Variants in PPARGC1A observed in about 807,000 individuals in gnomAD.
The protein encoded by PPARGC1A is peroxisome proliferator-activated receptor gamma coactivator 1-alpha.
In PPARGC1A, 25 loss-of-function variants were observed where a neutral mutation model predicts 88.7. The observed-to-expected ratio is 0.28, with a 90% confidence interval of 0.21 to 0.39. PPARGC1A has a LOEUF of 0.39. Ranked by LOEUF, PPARGC1A falls within the 10% of genes least tolerant of loss-of-function variation. The probability of loss-of-function intolerance (pLI) is 1.00; values close to 1 mark genes in which losing one functional copy is unlikely to be tolerated. For synonymous variants in PPARGC1A, 363 were observed against 355.6 expected (o/e 1.02, Z -0.24); for missense variants, 880 against 968.7 (o/e 0.91, Z 1.22).
chr4:24,071,371 G>A, the PPARGC1A span, among the ~76,000 whole-genome samples: 2 of 152,150 alleles, frequency 1.3e-5, no homozygotes, highest in Non-Finnish European at 2.9e-5. Flanking sequence ...GTCAAGTATG[G>A]AAAGATATTT....
chr4:24,089,534 G>A, the PPARGC1A span, among the ~76,000 whole-genome samples: 4 of 124,272 alleles, frequency 3.2e-5, no homozygotes, highest in South Asian at 2.4e-4. Context: ...TTTTTGAGAC[G>A]GAGTCTTGCT....
At chr4:23,817,062 C>T (rs904455334) in intron 7 of PPARGC1A, among the ~76,000 whole-genome samples, 10 of 152,086 alleles carry the variant, frequency 6.6e-5, no homozygotes, top group South Asian at 2.1e-4. Context: ...GTCTGCCGCA[C>T]GCCACTTTGT....
chr4:23,827,156 C>T (rs1724103028), intron 5 of PPARGC1A, among the ~76,000 whole-genome samples: 2 of 152,124 alleles, frequency 1.3e-5, no homozygotes, highest in African/African-American at 2.4e-5. Context: ...ATTATATTTT[C>T]CCAAACTGAC....
chr4:23,962,807 C>T, the PPARGC1A span, among the ~76,000 whole-genome samples: 1 of 152,070 alleles, frequency 6.6e-6, no homozygotes, highest in African/African-American at 2.4e-5. Context: ...CAATTGTCTC[C>T]TACTCTTACC....
intron 2 of PPARGC1A, among the ~76,000 whole-genome samples, chr4:23,839,540 T>C (rs879872470): frequency 2.0e-5 from 3 of 152,130 alleles, no homozygotes; most frequent in Admixed American, 6.6e-5. Context: ...CCTAGATCCA[T>C]TTCCACCACC....
At chr4:23,966,130 TAAAC>T in the PPARGC1A span, among the ~76,000 whole-genome samples, 1 of 152,164 alleles carries the variant, frequency 6.6e-6, no homozygotes, top group Non-Finnish European at 1.5e-5. Flanking sequence ...ACAATATTGT[TAAAC>T]AAAGGAAAGT....
At chr4:23,883,853 A>C (rs1221962448) in intron 2 of PPARGC1A, 1 of 152,220 alleles carries the variant, frequency 6.6e-6, no homozygotes, top group Non-Finnish European at 1.5e-5. Flanking sequence ...ATAACATGGA[A>C]GTATAAGAAA....
chr4:23,838,740 T>G (rs1056932023), intron 2 of PPARGC1A, among the ~76,000 whole-genome samples: 4 of 152,114 alleles, frequency 2.6e-5, no homozygotes, highest in Non-Finnish European at 4.4e-5. Context: ...TCTGAGTAAC[T>G]CCCCATGGGC....
the PPARGC1A span, among the ~76,000 whole-genome samples, chr4:24,246,577 C>T: frequency 6.6e-6 from 1 of 152,190 alleles, no homozygotes; most frequent in South Asian, 2.1e-4. Flanking sequence ...CATGAAACCA[C>T]TGCACTCCAG....
the PPARGC1A span, among the ~76,000 whole-genome samples, chr4:24,164,840 T>C: frequency 2.6e-5 from 4 of 152,114 alleles, no homozygotes; most frequent in South Asian, 2.1e-4. Flanking sequence ...AGAATTTCTA[T>C]AGGGGGAAGG....
intron 2 of PPARGC1A, among the ~76,000 whole-genome samples, chr4:23,862,251 C>A (rs1731340612): frequency 6.6e-6 from 1 of 152,182 alleles, no homozygotes; most frequent in Non-Finnish European, 1.5e-5. Context: ...GGTCAAGTCT[C>A]TGCTAGATGT....
chr4:23,871,814 C>T (rs575177418), intron 2 of PPARGC1A, among the ~76,000 whole-genome samples: 3 of 152,196 alleles, frequency 2.0e-5, no homozygotes, highest in African/African-American at 7.2e-5. Context: ...TATACAAGAG[C>T]CGTTTCAAAG....
At chr4:23,934,278 T>C in the PPARGC1A span, among the ~76,000 whole-genome samples, 9 of 152,172 alleles carry the variant, frequency 5.9e-5, no homozygotes, top group Non-Finnish European at 2.9e-5. Context: ...GGGACGTCAC[T>C]GGATCCATGT....
chr4:24,390,517 T>C, the PPARGC1A span, among the ~76,000 whole-genome samples: 1 of 152,144 alleles, frequency 6.6e-6, no homozygotes. Context: ...ATATGCATGT[T>C]ATGCACATGT....
At chr4:23,873,672 T>G (rs1560489420) in intron 2 of PPARGC1A, among the ~76,000 whole-genome samples, 1 of 152,222 alleles carries the variant, frequency 6.6e-6, no homozygotes. Flanking sequence ...CAGCTTTCAT[T>G]ATTTCCTAAT....
chr4:24,214,988 T>C, the PPARGC1A span, among the ~76,000 whole-genome samples: 1 of 152,330 alleles, frequency 6.6e-6, no homozygotes, highest in South Asian at 2.1e-4. Context: ...TCACGGGTCC[T>C]TAAGTCTGTG....
the PPARGC1A span, among the ~76,000 whole-genome samples, chr4:24,041,050 G>A: frequency 2.6e-5 from 4 of 152,150 alleles, no homozygotes; most frequent in East Asian, 1.9e-4. Flanking sequence ...TGGGAGAACC[G>A]ACATTGGGAT....
chr4:24,333,240 T>C, the PPARGC1A span, among the ~76,000 whole-genome samples: 1 of 151,330 alleles, frequency 6.6e-6, no homozygotes, highest in African/African-American at 2.4e-5. Context: ...CAAGACTCCA[T>C]CTCAAAAGAA....
At chr4:23,906,607 C>CAAAAAAAA (rs35171233), upstream of PPARGC1A, among the ~76,000 whole-genome samples, 3 of 63,730 alleles carry the variant, frequency 4.7e-5, no homozygotes, top group South Asian at 6.0e-4. Flanking sequence ...CTCTGTCTCA[C>CAAAAAAAA]AAAAAAAAAA....
Sources: allele counts gnomAD v4.1 joint callset (sites outside exome capture counted in the v4.1 genomes callset), GRCh38; gene constraint gnomAD v4.1.1; transcripts MANE v1.5; gene names NCBI Gene and HGNC (gene_info 2026-07-23, HGNC 2026-07-21).